Variants in EDEM2 observed in about 807,000 individuals in gnomAD.
The protein encoded by EDEM2 is ER degradation-enhancing alpha-mannosidase-like protein 2.
Under a neutral mutation model 64.8 loss-of-function variants are expected in EDEM2, and 39 were observed. The observed-to-expected ratio is 0.60, with a 90% confidence interval of 0.47 to 0.79. The LOEUF (loss-of-function observed/expected upper bound fraction) is 0.79. EDEM2 is among the 30% of genes least tolerant of loss of function. EDEM2 has a pLI of 0.00. For synonymous variants in EDEM2, 296 were observed against 291.5 expected, an observed-to-expected ratio of 1.02 and a Z score of -0.16; for missense variants, 609 against 731.3, an observed-to-expected ratio of 0.83 and a Z score of 1.93.
At chr20:35,143,668 G>A (rs563820292) in intron 3 of EDEM2, among the ~76,000 whole-genome samples, 2 of 152,304 alleles carry the variant, frequency 1.3e-5, no homozygotes, top group Admixed American at 1.3e-4. Flanking sequence ...TGGTTTGGGA[G>A]AGGCTGATCC....
At chr20:35,138,501 C>T (rs1209378914) in intron 4 of EDEM2, among the ~76,000 whole-genome samples, 1 of 152,040 alleles carries the variant, frequency 6.6e-6, no homozygotes, top group Admixed American at 6.6e-5. Flanking sequence ...CCTGTCATAC[C>T]TGGGGGGAAG....
intron 10 of EDEM2, among the ~76,000 whole-genome samples, chr20:35,116,633 C>CTA (rs1478293567): frequency 1.3e-5 from 2 of 152,204 alleles, no homozygotes; most frequent in African/African-American, 4.8e-5. Context: ...TAACCTTGCT[C>CTA]TATGACATGA....
chr20:35,141,295 C>A (rs2085650630), intron 4 of EDEM2, among the ~76,000 whole-genome samples: 1 of 152,022 alleles, frequency 6.6e-6, no homozygotes, highest in Non-Finnish European at 1.5e-5. Context: ...TGTATCTAAT[C>A]ATAAAACTAC....
chr20:35,124,008 G>A lies in EDEM2; in HGVS notation c.996C>T (p.Ala332=), dbSNP rs776359241. The change falls in exon 9 of 11, where the codon GCC becomes GCT. Residue 332 remains alanine, a synonymous_variant. Coordinates refer to ENST00000374492, the MANE Select transcript of EDEM2 (RefSeq NM_018217.3). ...LQSLIGDIDN[A]MRTFLNYYTV... is the part of the protein sequence containing the mutation. Reference sequence around the variant, plus strand: ...TGTAGTAGTTGAGGAAGGTCCTCATGGCATTGTCAATGTCTCCAATGAGGC... The same window carrying A: ...TGTAGTAGTTGAGGAAGGTCCTCATAGCATTGTCAATGTCTCCAATGAGGC... 7 of 1,613,672 alleles carry A rather than the reference G, an allele frequency of 4.3e-6. No homozygotes were observed. The highest frequency in any genetic ancestry group is 1.6e-4 in the Middle Eastern group (1 of 6,078).
chr20:35,131,367 A>G (rs1256399405), intron 7 of EDEM2, among the ~76,000 whole-genome samples: 1 of 152,122 alleles, frequency 6.6e-6, no homozygotes, highest in Non-Finnish European at 1.5e-5. Context: ...CCTGGCCAAC[A>G]TGGTGAAACC....
chr20:35,143,073 A>G (rs1001914270), intron 3 of EDEM2, among the ~76,000 whole-genome samples: 3 of 152,116 alleles, frequency 2.0e-5, no homozygotes, highest in African/African-American at 7.2e-5. Flanking sequence ...TTAGTTTGAC[A>G]TTTGCAGTAG....
chr20:35,130,343 T>A (rs1208037071), intron 7 of EDEM2, among the ~76,000 whole-genome samples: 1 of 152,154 alleles, frequency 6.6e-6, no homozygotes, highest in Non-Finnish European at 1.5e-5. Context: ...GCACTGGGAT[T>A]AAAGGCATGA....
intron 10 of EDEM2, among the ~76,000 whole-genome samples, chr20:35,116,730 G>A (rs543636408): frequency 1.4e-4 from 21 of 151,946 alleles, no homozygotes; most frequent in African/African-American, 3.9e-4. Context: ...GTATTCCATC[G>A]TGAAAATGGA....
intron 4 of EDEM2, among the ~76,000 whole-genome samples, chr20:35,138,844 A>G (rs1236773678): frequency 6.6e-6 from 1 of 151,878 alleles, no homozygotes; most frequent in African/African-American, 2.4e-5. Flanking sequence ...TCAGCCTCCC[A>G]AAGTGCTGGA....
At chr20:35,124,439 C>T (rs1392265430) in intron 8 of EDEM2, among the ~76,000 whole-genome samples, 2 of 152,180 alleles carry the variant, frequency 1.3e-5, no homozygotes, top group Admixed American at 1.3e-4. Context: ...CTCGCTCTGT[C>T]ACCTAGGCTG....
At position 35,115,714 on chromosome 20, in the gene EDEM2, G is replaced by A. The variant is rs769939511; in HGVS notation, c.1456C>T (p.His486Tyr). Reference sequence around the variant, plus strand: ...TCTTCCTTCAGCCTCTGGCAGCAGTGCAGGGCGGCAGGGTCGATGGGGTGA... The same window carrying A: ...TCTTCCTTCAGCCTCTGGCAGCAGTACAGGGCGGCAGGGTCGATGGGGTGA... ...EAHPIDPAAL[H>Y]CCQRLKEEQW... The change falls in exon 11 of 11, where the codon CAC (histidine) becomes TAC (tyrosine). Residue 486 changes from histidine to tyrosine, a missense_variant. Physicochemically the swap from His to Tyr is moderately conservative, Grantham distance 83. Coordinates refer to ENST00000374492, the MANE Select transcript of EDEM2 (RefSeq NM_018217.3). 1.9e-6 allele frequency: 3 copies of A among 1,614,216 alleles called. No homozygotes were observed. The highest frequency in any genetic ancestry group is 2.5e-6 in the Non-Finnish European group (3 of 1,180,042).
At position 35,115,651 on chromosome 20, in the gene EDEM2, A is replaced by G; in HGVS notation, c.1519T>C (p.Ser507Pro). ...AATTTCGACCTGCTCCGTTTGAGAG[A>G]GTAGAATTCCCTCATCAAGTCCTCC... The part of the protein sequence containing the change: ...EVEDLMREFY[S>P]LKRSRSKFQK... Residue 507 changes from serine (S) to proline (P), a missense_variant, in exon 11 of 11, where the codon TCT (serine) becomes CCT (proline). Coordinates refer to ENST00000374492, the MANE Select transcript of EDEM2 (RefSeq NM_018217.3). 1.9e-6 allele frequency: 3 copies of G among 1,614,124 alleles called. No homozygotes were observed. The highest frequency in any genetic ancestry group is 2.5e-6 in the Non-Finnish European group (3 of 1,180,026).
chr20:35,127,182 C>T (rs757841322), intron 7 of EDEM2, among the ~76,000 whole-genome samples: 1 of 152,148 alleles, frequency 6.6e-6, no homozygotes, highest in East Asian at 1.9e-4. Context: ...CCTTCCGCCA[C>T]GATTGTGAGG....
intron 4 of EDEM2, among the ~76,000 whole-genome samples, 170 bp from the exon 5 acceptor site, chr20:35,138,175 G>T (rs558062919): frequency 1.3e-5 from 2 of 152,376 alleles, no homozygotes; most frequent in South Asian, 4.1e-4. Context: ...ACCTCACTCT[G>T]TTGGGGTGGC....
intron 9 of EDEM2, among the ~76,000 whole-genome samples, chr20:35,121,524 T>C (rs1220709795): frequency 6.6e-6 from 1 of 152,206 alleles, no homozygotes; most frequent in Non-Finnish European, 1.5e-5. Context: ...CATGGACTTG[T>C]ACCGGTCCAC....
chr20:35,134,286 G>A (rs1014788664), intron 6 of EDEM2: 5 of 380,350 alleles, frequency 1.3e-5, no homozygotes, highest in Non-Finnish European at 2.0e-5. Context: ...AAAAAGGGGG[G>A]GATATTATAT....
chr20:35,143,630 A>G (rs975563359), intron 3 of EDEM2, among the ~76,000 whole-genome samples: 2 of 152,130 alleles, frequency 1.3e-5, no homozygotes, highest in Non-Finnish European at 2.9e-5. Context: ...ACCCTCGAGG[A>G]ATCACTCTTC....
intron 5 of EDEM2, 55 bp from the exon 6 acceptor site, chr20:35,135,004 C>A: frequency 6.4e-7 from 1 of 1,558,028 alleles, no homozygotes; most frequent in Non-Finnish European, 8.8e-7. Flanking sequence ...AGGGATAGTT[C>A]TGATACACGC....
At chr20:35,142,198 A>G (rs188485348) in intron 4 of EDEM2, among the ~76,000 whole-genome samples, 175 bp downstream of exon 4, 6 of 152,286 alleles carry the variant, frequency 3.9e-5, no homozygotes, top group African/African-American at 1.4e-4. Flanking sequence ...TGATGGGGAA[A>G]TCCTGAGACT....
Sources: allele counts gnomAD v4.1 joint callset (sites outside exome capture counted in the v4.1 genomes callset), GRCh38; gene constraint gnomAD v4.1.1; transcripts MANE v1.5; gene names NCBI Gene and HGNC (gene_info 2026-07-23, HGNC 2026-07-21).